Variants in NPAS3 observed in about 807,000 individuals in gnomAD.
The protein encoded by NPAS3 is neuronal PAS domain-containing protein 3.
NPAS3 carries 14 observed loss-of-function variants against 73.1 expected under a neutral mutation model. That is an observed-to-expected ratio of 0.19 (90% CI 0.13 to 0.30). NPAS3 has a LOEUF of 0.30. NPAS3 is among the 10% of genes least tolerant of loss of function. The pLI is 1.00. For synonymous variants in NPAS3, 620 were observed against 541.5 expected (o/e 1.14, Z -2.01); for missense variants, 1,096 against 1,250.0 (o/e 0.88, Z 1.86).
chr14:33,338,953 A>G (rs1203893073), intron 3 of NPAS3, among the ~76,000 whole-genome samples: 9 of 152,202 alleles, frequency 5.9e-5, no homozygotes, highest in Non-Finnish European at 2.9e-5. Context: ...TGTTAATAAT[A>G]ACATAACTCA....
At chr14:33,580,162 T>G (rs1437858796) in intron 5 of NPAS3, among the ~76,000 whole-genome samples, 2 of 152,192 alleles carry the variant, frequency 1.3e-5, no homozygotes, top group Non-Finnish European at 2.9e-5. Flanking sequence ...ATGCAGAATT[T>G]GGCCATTGGA....
At position 33,762,829 on chromosome 14, in the gene NPAS3, T is replaced by C. The variant is rs138016974; in HGVS notation, c.853-11508T>C. Among the ~76,000 whole-genome samples the C allele has an allele frequency of 1.1e-4, 16 of 152,314 alleles. No homozygotes were observed. In the South Asian group the frequency reaches 3.3e-3, roughly 32 times the overall value. On this transcript the variant is annotated intron_variant, in intron 7 of 11. Coordinates refer to ENST00000356141, the Ensembl canonical transcript of NPAS3. Reference sequence around the variant, plus strand: ...ACGCACAAAAGTCATATGAGTGTTTTGAATTGCATATGCTGAATAGATAAT... The same window carrying C: ...ACGCACAAAAGTCATATGAGTGTTTCGAATTGCATATGCTGAATAGATAAT...
At chr14:33,063,854 T>C (rs1260424777) in intron 2 of NPAS3, among the ~76,000 whole-genome samples, 3 of 152,322 alleles carry the variant, frequency 2.0e-5, no homozygotes, top group Admixed American at 6.5e-5. Context: ...CTCATCTAAC[T>C]TACTATAGAA....
chr14:33,527,782 A>T (rs970544614), intron 4 of NPAS3, among the ~76,000 whole-genome samples: 2 of 152,140 alleles, frequency 1.3e-5, no homozygotes, highest in South Asian at 2.1e-4. Flanking sequence ...CCTGTTTCCT[A>T]GTGGGCAAGT....
chr14:33,358,237 G>A (rs1452173164), intron 3 of NPAS3, among the ~76,000 whole-genome samples: 1 of 152,168 alleles, frequency 6.6e-6, no homozygotes, highest in East Asian at 1.9e-4. Context: ...CAGTGGTGTT[G>A]AGGTGGAGGG....
chr14:33,421,686 T>C (rs190335690), intron 4 of NPAS3, among the ~76,000 whole-genome samples: 1 of 151,978 alleles, frequency 6.6e-6, no homozygotes, highest in Non-Finnish European at 1.5e-5. Flanking sequence ...TTCAAGGTGA[T>C]CTGCTAGATA....
At chr14:33,644,559 G>T (rs539782555) in intron 5 of NPAS3, among the ~76,000 whole-genome samples, 1 of 152,228 alleles carries the variant, frequency 6.6e-6, no homozygotes, top group Non-Finnish European at 1.5e-5. Flanking sequence ...ATCACTTTGA[G>T]GTAGGTTTAG....
At chr14:33,721,461 T>A (rs1300536820) in intron 6 of NPAS3, among the ~76,000 whole-genome samples, 1 of 152,158 alleles carries the variant, frequency 6.6e-6, no homozygotes, top group African/African-American at 2.4e-5. Flanking sequence ...TGACTTGTGA[T>A]TTTAGCATGC....
At position 33,252,273 on chromosome 14, in the gene NPAS3, G is replaced by A. The variant is rs184871401; in HGVS notation, c.385+36847G>A. Among the ~76,000 whole-genome samples, 56 of 152,040 alleles carry A rather than the reference G, an allele frequency of 3.7e-4. 1 individual carries two copies. The highest frequency in any genetic ancestry group is 1.2e-3 in the African/African-American group (51 of 41,508). On this transcript the variant is annotated intron_variant, in intron 3 of 11. Transcript: ENST00000356141. ...TAAGATACCCAATTTTATTTCCTGT[G>A]AGTCTGCAAGTTACTCAGATATAGC...
rs182799809 is a variant in NPAS3, at chr14:33,120,110, G to A, written c.140+64116G>A. Among the ~76,000 whole-genome samples, 75 of 152,046 alleles carry A rather than the reference G, an allele frequency of 4.9e-4. No individual in the cohort carries two copies. The East Asian group carries it at 9.9e-3, about 20-fold the overall frequency. ...CGACTAGCTGGGATTATAGGCACCC[G>A]CCACCAGGCTGGGCTAATTTTTGTA... On this transcript the variant is annotated intron_variant, in intron 2 of 11. Coordinates refer to ENST00000356141, the Ensembl canonical transcript of NPAS3.
At chr14:33,746,628 C>A (rs2140728508) in intron 7 of NPAS3, among the ~76,000 whole-genome samples, 1 of 151,850 alleles carries the variant, frequency 6.6e-6, no homozygotes, top group Non-Finnish European at 1.5e-5. Flanking sequence ...TGGTTGCACA[C>A]AGCAACTCTG....
chr14:33,510,153 G>A (rs1315222819), intron 4 of NPAS3, among the ~76,000 whole-genome samples: 1 of 152,078 alleles, frequency 6.6e-6, no homozygotes, highest in Admixed American at 6.5e-5. Context: ...GGTTGGAAAA[G>A]CAGTTTGTTC....
rs545633632 is a variant in NPAS3 at position 33,598,013 on chromosome 14, T to C, written c.558+37803T>C. 2.0e-5 allele frequency among the ~76,000 whole-genome samples: 3 copies of C among 152,302 alleles called. No individual in the cohort carries two copies. In the South Asian group the frequency reaches 6.2e-4, roughly 32 times the overall value. ...TTGCAGTCTCTGGGGATTAAAACAA[T>C]ACCCAATTTAAGACAAGCTAGAGGT... On this transcript the variant is annotated intron_variant, in intron 5 of 11. Coordinates refer to ENST00000356141, the Ensembl canonical transcript of NPAS3.
intron 4 of NPAS3, among the ~76,000 whole-genome samples, chr14:33,378,347 C>A (rs61060077): frequency 6.6e-6 from 1 of 152,172 alleles, no homozygotes; most frequent in East Asian, 1.9e-4. Flanking sequence ...TTCCTGTGAT[C>A]ACACACACAC....
intron 2 of NPAS3, among the ~76,000 whole-genome samples, chr14:33,176,364 C>T (rs2045590727): frequency 6.6e-6 from 1 of 152,100 alleles, no homozygotes; most frequent in African/African-American, 2.4e-5. Flanking sequence ...AAACAATAGC[C>T]CCTCCCTGCT....
intron 5 of NPAS3, chr14:33,608,777 C>T (rs1212742975): frequency 1.3e-5 from 2 of 152,116 alleles, no homozygotes; most frequent in Admixed American, 6.5e-5. Context: ...TTTAGTGAGA[C>T]CAGTCATTGA....
At chr14:33,250,388 G>A (rs1373827677) in intron 3 of NPAS3, among the ~76,000 whole-genome samples, 1 of 152,000 alleles carries the variant, frequency 6.6e-6, no homozygotes, top group Non-Finnish European at 1.5e-5. Context: ...ATACAGACAA[G>A]GTTTGGTTCC....
At chr14:32,953,137 A>AG (rs1410651405) in intron 1 of NPAS3, among the ~76,000 whole-genome samples, 5 of 134,434 alleles carry the variant, frequency 3.7e-5, no homozygotes, top group African/African-American at 1.6e-4. Context: ...AAAAAAAAGA[A>AG]AAAAAAAAAA....
intron 1 of NPAS3, among the ~76,000 whole-genome samples, chr14:32,996,945 G>T (rs774336284): frequency 4.6e-5 from 7 of 152,138 alleles, no homozygotes; most frequent in African/African-American, 1.7e-4. Flanking sequence ...ACCGTGTATC[G>T]GGAAAAGCCA....
Sources: allele counts gnomAD v4.1 joint callset (sites outside exome capture counted in the v4.1 genomes callset), GRCh38; gene constraint gnomAD v4.1.1; transcripts MANE v1.5; gene names NCBI Gene and HGNC (gene_info 2026-07-23, HGNC 2026-07-21).